Variants in EDNRB observed in about 807,000 individuals in gnomAD.
The protein encoded by EDNRB is Hirschsprung disease 2.
In EDNRB, 18 loss-of-function variants were observed where a neutral mutation model predicts 46.4. The observed-to-expected ratio is 0.39, with a 90% CI of 0.27 to 0.57. The LOEUF is 0.57. Among genes scored for constraint, EDNRB ranks in the 20% least tolerant of loss-of-function variants. EDNRB has a pLI of 0.61. For missense variants in EDNRB, 434 were observed against 537.5 expected, an observed-to-expected ratio of 0.81 and a Z score of 1.90; for synonymous variants, 213 against 204.9, an observed-to-expected ratio of 1.04 and a Z score of -0.34.
At chr13:77,943,809 G>A (rs926079303) in intron 1 of EDNRB, among the ~76,000 whole-genome samples, 4 of 151,906 alleles carry the variant, frequency 2.6e-5, no homozygotes, top group African/African-American at 7.2e-5. Context: ...CTGAGTTCAG[G>A]TGCCATATTC....
chr13:77,919,495 A>G (rs1211498023), upstream of EDNRB: 1 of 1,612,762 alleles, frequency 6.2e-7, no homozygotes, highest in South Asian at 1.1e-5. Context: ...GGAGAGGAGC[A>G]CGCCTCCCTT....
intron 1 of EDNRB, among the ~76,000 whole-genome samples, chr13:77,914,715 C>T (rs1879727602): frequency 6.6e-6 from 1 of 152,184 alleles, no homozygotes; most frequent in Non-Finnish European, 1.5e-5. Context: ...GACCCAGCTC[C>T]TTGAGGAAGT....
chr13:77,905,439 G>A (rs1003268205), intron 1 of EDNRB, among the ~76,000 whole-genome samples: 1 of 151,782 alleles, frequency 6.6e-6, no homozygotes, highest in African/African-American at 2.4e-5. Context: ...TGTGACTTCT[G>A]GGTTAATCAA....
chr13:77,961,248 C>G (rs76220710), intron 1 of EDNRB, among the ~76,000 whole-genome samples: 4,962 of 151,944 alleles, frequency 0.033, 271 homozygotes, highest in African/African-American at 0.11. Context: ...ACTCTCTTCT[C>G]AGCACCACGT....
chr13:77,941,119 A>C (rs1319737726), intron 1 of EDNRB, among the ~76,000 whole-genome samples: 1 of 152,220 alleles, frequency 6.6e-6, no homozygotes, highest in Non-Finnish European at 1.5e-5. Context: ...ACACAGATGC[A>C]TATTTGGGAA....
At chr13:77,949,254 T>C (rs1165443430) in intron 1 of EDNRB, among the ~76,000 whole-genome samples, 1 of 152,080 alleles carries the variant, frequency 6.6e-6, no homozygotes, top group Non-Finnish European at 1.5e-5. Flanking sequence ...CAGGATCTCT[T>C]GTAGCATTCA....
chr13:77,895,858 T>TA lies in EDNRB; in HGVS notation c.*2341dup, dbSNP rs1176945368. The TA allele has an allele frequency of 3.3e-5, 5 of 152,334 alleles. No homozygotes were observed. The highest frequency in any genetic ancestry group is 1.2e-4 in the African/African-American group (5 of 41,448). 9.4% of individuals were successfully genotyped at this position (152,334 alleles called of 1,614,324 possible). A position where few individuals can be genotyped will look rare whatever the true frequency, so the allele number is the denominator to read the frequency against. On this transcript the variant is annotated 3_prime_UTR_variant, in exon 7 of 7. Transcript: ENST00000646607. ...ATCAATACTAAAAGGTGTTTGAACATACATCCACATTAGCAGTGGATAATA... is the reference window on the plus strand; with the variant it reads ...ATCAATACTAAAAGGTGTTTGAACATAACATCCACATTAGCAGTGGATAATA...
At chr13:77,963,832 C>T (rs1282728315) in intron 1 of EDNRB, among the ~76,000 whole-genome samples, 2 of 152,120 alleles carry the variant, frequency 1.3e-5, no homozygotes, top group East Asian at 3.9e-4. Context: ...AGTAAACAGG[C>T]AACCTACAGA....
chr13:77,896,345 G>T lies in EDNRB; in HGVS notation c.*1855C>A. Reference sequence around the variant, plus strand: ...TAATTTAAAATTGAGAGTCTAAAATGACTTCTATGATAACAGGCCTCTGAA... The same window carrying T: ...TAATTTAAAATTGAGAGTCTAAAATTACTTCTATGATAACAGGCCTCTGAA... On this transcript the variant is annotated 3_prime_UTR_variant, in exon 7 of 7. Transcript: ENST00000646607. The T allele has an allele frequency of 7.9e-7, 1 of 1,272,220 alleles. No individual in the cohort carries two copies. Among genetic ancestry groups the T allele is most frequent in the Non-Finnish European group, 1.0e-6 (1 of 960,412 alleles). The allele number at this position is 1,272,220 out of a possible 1,614,324, so 78.8% of individuals were successfully genotyped here. A position where few individuals can be genotyped will look rare whatever the true frequency, so the allele number is the denominator to read the frequency against.
At chr13:77,930,795 T>C (rs2137653658) in intron 1 of EDNRB, among the ~76,000 whole-genome samples, 1 of 152,322 alleles carries the variant, frequency 6.6e-6, no homozygotes, top group South Asian at 2.1e-4. Flanking sequence ...TCAGAAATAA[T>C]GAGTTTTGGC....
At chr13:77,923,298 C>T (rs1249884113), upstream of EDNRB, among the ~76,000 whole-genome samples, 14 of 152,090 alleles carry the variant, frequency 9.2e-5, no homozygotes, top group Non-Finnish European at 5.9e-5. Flanking sequence ...CTTTCTTTGA[C>T]ATATTTTTTT....
At chr13:77,942,681 C>G (rs1880788525) in intron 1 of EDNRB, among the ~76,000 whole-genome samples, 1 of 152,002 alleles carries the variant, frequency 6.6e-6, no homozygotes, top group Non-Finnish European at 1.5e-5. Context: ...TTACCCATAT[C>G]TAACATCTAG....
At chr13:77,975,049 C>T (rs576151460) in intron 1 of EDNRB, among the ~76,000 whole-genome samples, 30 of 152,202 alleles carry the variant, frequency 2.0e-4, no homozygotes, top group African/African-American at 6.5e-4. Flanking sequence ...AAACAAAAAT[C>T]AAAACCAAAA....
chr13:77,897,595 G>T lies in EDNRB; in HGVS notation c.*605C>A. 2 of 985,448 alleles carry T rather than the reference G, an allele frequency of 2.0e-6. No homozygotes were observed. Among genetic ancestry groups the T allele is most frequent in the Non-Finnish European group, 2.4e-6 (2 of 830,072 alleles). 61.0% of individuals were successfully genotyped at this position (985,448 alleles called of 1,614,324 possible). A position where few individuals can be genotyped will look rare whatever the true frequency, so the allele number is the denominator to read the frequency against. On this transcript the variant is annotated 3_prime_UTR_variant, in exon 7 of 7. Coordinates refer to ENST00000646607, the MANE Select transcript of EDNRB (RefSeq NM_001122659.3). ...TTTGGGCTTCTAGTGAAAGTGTAAT[G>T]ATTTTCAAAAACAGCCTTGCTCTTT... is the stretch of plus-strand genomic sequence containing the variant.
rs1400584165 is a variant in EDNRB, at chr13:77,897,460, A to C, written c.*740T>G. The C allele has an allele frequency of 1.4e-5, 14 of 983,874 alleles. No homozygotes were observed. In the East Asian group the frequency reaches 1.5e-3, roughly 104 times the overall value. The allele number at this position is 983,874 out of a possible 1,614,324, so 60.9% of individuals were successfully genotyped here. The stretch of plus-strand genomic sequence containing the variant: ...ATCTTAACTGAATGTAAAGGATGTA[A>C]TAATTTTCTTTTTAAAAGTATTATA... On this transcript the variant is annotated 3_prime_UTR_variant, in exon 7 of 7. Coordinates refer to ENST00000646607, the MANE Select transcript of EDNRB (RefSeq NM_001122659.3).
intron 1 of EDNRB, among the ~76,000 whole-genome samples, chr13:77,952,439 G>T (rs1881118630): frequency 6.6e-6 from 1 of 152,140 alleles, no homozygotes; most frequent in Non-Finnish European, 1.5e-5. Flanking sequence ...TTATTAGTTT[G>T]TTCCCTTAAC....
chr13:77,960,770 C>T (rs1881384674), intron 1 of EDNRB, among the ~76,000 whole-genome samples: 1 of 151,186 alleles, frequency 6.6e-6, no homozygotes, highest in Non-Finnish European at 1.5e-5. Flanking sequence ...CAAGAACCAT[C>T]AGTGTGCTGT....
At chr13:77,911,874 T>C (rs1037627176) in intron 1 of EDNRB, among the ~76,000 whole-genome samples, 3 of 152,120 alleles carry the variant, frequency 2.0e-5, no homozygotes, top group Admixed American at 6.5e-5. Flanking sequence ...CCAACTTCTT[T>C]TTAACTGTGC....
At position 77,899,785 on chromosome 13, in the gene EDNRB, A is replaced by G. The variant is rs571154036; in HGVS notation, c.1194+74T>C. On this transcript the variant is annotated intron_variant, in intron 6 of 6. Transcript: ENST00000646607. Reference sequence around the variant, plus strand: ...TAATTTACTAAATCTGTCTGGATAGATATATTAGCAGTTTTGAAAGCTTAT... The same window carrying G: ...TAATTTACTAAATCTGTCTGGATAGGTATATTAGCAGTTTTGAAAGCTTAT... 2.3e-4 allele frequency: 253 copies of G among 1,083,034 alleles called. 1 individual carries two copies. Among genetic ancestry groups the G allele is most frequent in the Non-Finnish European group, 3.1e-4 (219 of 710,638 alleles). 67.1% of individuals were successfully genotyped at this position (1,083,034 alleles called of 1,614,324 possible).
Sources: allele counts gnomAD v4.1 joint callset (sites outside exome capture counted in the v4.1 genomes callset), GRCh38; gene constraint gnomAD v4.1.1; transcripts MANE v1.5; gene names NCBI Gene and HGNC (gene_info 2026-07-23, HGNC 2026-07-21).